The following FHOD3 variants were observed in gnomAD, a reference collection of about 807,000 sequenced individuals.
FHOD3 encodes the protein formin homology 2 domain containing 3, also known as FH1/FH2 domain-containing protein 3.
FHOD3 carries 90 observed loss-of-function variants against 173.0 expected under a neutral mutation model. That is an observed-to-expected ratio of 0.52 (90% confidence interval 0.44 to 0.62). The LOEUF (loss-of-function observed/expected upper bound fraction) is 0.62. Among genes scored for constraint, FHOD3 ranks in the 20% least tolerant of loss-of-function variants. FHOD3 has a pLI of 0.00. For synonymous variants in FHOD3, 828 were observed against 823.0 expected, an observed-to-expected ratio of 1.01 and a Z score of -0.10; for missense variants, 1,945 against 2,034.7, an observed-to-expected ratio of 0.96 and a Z score of 0.85.
chr18:36,538,502 G>T lies in FHOD3; in HGVS notation c.511+25959G>T, dbSNP rs149262881. Among the ~76,000 whole-genome samples, 1,420 of 152,312 alleles carry T rather than the reference G, an allele frequency of 9.3e-3. 23 individuals are homozygous for T. The highest frequency in any genetic ancestry group is 0.031 in the African/African-American group (1,283 of 41,560). Reference sequence around the variant, plus strand: ...GATAGGGTATATTCCTACAGATTCTGCAGTATCAAATGGTTAATGCAAGGA... The same window carrying T: ...GATAGGGTATATTCCTACAGATTCTTCAGTATCAAATGGTTAATGCAAGGA... On this transcript the variant is annotated intron_variant, in intron 5 of 28. Coordinates refer to ENST00000590592, the MANE Select transcript of FHOD3 (RefSeq NM_001281740.3).
chr18:36,349,574 A>G (rs568412753), intron 1 of FHOD3, among the ~76,000 whole-genome samples: 12 of 152,324 alleles, frequency 7.9e-5, no homozygotes, highest in African/African-American at 2.9e-4. Flanking sequence ...TTCTGTGCAA[A>G]TCTATTTCAG....
chr18:36,661,732 T>A (rs942634473), intron 14 of FHOD3, among the ~76,000 whole-genome samples: 2 of 152,198 alleles, frequency 1.3e-5, no homozygotes, highest in African/African-American at 4.8e-5. Context: ...CTTGGAATGA[T>A]AAATTGACAT....
intron 8 of FHOD3, among the ~76,000 whole-genome samples, chr18:36,606,733 G>A (rs2032117807): frequency 6.6e-6 from 1 of 152,152 alleles, no homozygotes; most frequent in African/African-American, 2.4e-5. Flanking sequence ...TTAGCTGTGA[G>A]TCTGAAATCA....
At chr18:36,439,342 C>G (rs1379249560) in intron 3 of FHOD3, among the ~76,000 whole-genome samples, 1 of 152,154 alleles carries the variant, frequency 6.6e-6, no homozygotes, top group Admixed American at 6.5e-5. Flanking sequence ...GCAGAGGACC[C>G]TCCAGGTATG....
intron 3 of FHOD3, among the ~76,000 whole-genome samples, chr18:36,386,077 T>C (rs2048019450): frequency 6.6e-6 from 1 of 152,254 alleles, no homozygotes; most frequent in South Asian, 2.1e-4. Context: ...AATGTCCAAA[T>C]TAATAAGCTA....
chr18:36,748,382 AACACACACACACACACAC>A (rs532609709), intron 24 of FHOD3, among the ~76,000 whole-genome samples: 13 of 143,572 alleles, frequency 9.1e-5, no homozygotes, highest in East Asian at 4.1e-4. Context: ...ACACACACAC[AACACACACACACACACAC>A]ACACACACAC....
chr18:36,751,841 G>A (rs945499910), intron 24 of FHOD3, among the ~76,000 whole-genome samples: 1 of 152,128 alleles, frequency 6.6e-6, no homozygotes, highest in Non-Finnish European at 1.5e-5. Flanking sequence ...AGATTCATTA[G>A]GCTACAGTTG....
intron 3 of FHOD3, among the ~76,000 whole-genome samples, chr18:36,378,622 T>C (rs2047575196): frequency 6.9e-6 from 1 of 145,320 alleles, no homozygotes; most frequent in Admixed American, 6.9e-5. Flanking sequence ...AAAAGAGAGA[T>C]GGGAAGGATG....
intron 3 of FHOD3, among the ~76,000 whole-genome samples, chr18:36,495,977 G>A (rs1290709847): frequency 6.6e-6 from 1 of 152,226 alleles, no homozygotes; most frequent in Non-Finnish European, 1.5e-5. Flanking sequence ...ATCCAAGAGT[G>A]ATGTAAAGAA....
At chr18:36,399,184 G>A (rs1202239952) in intron 3 of FHOD3, among the ~76,000 whole-genome samples, 1 of 152,172 alleles carries the variant, frequency 6.6e-6, no homozygotes, top group East Asian at 1.9e-4. Flanking sequence ...GGCACTGGAA[G>A]GTGTAGCTCA....
chr18:36,769,797 G>GC (rs1567968034), intron 28 of FHOD3, among the ~76,000 whole-genome samples: 1 of 152,102 alleles, frequency 6.6e-6, no homozygotes. Flanking sequence ...CTGTGTTTCT[G>GC]CCCTGCACCC....
intron 5 of FHOD3, among the ~76,000 whole-genome samples, chr18:36,539,744 T>G (rs926640414): frequency 3.3e-5 from 5 of 152,234 alleles, no homozygotes; most frequent in Non-Finnish European, 7.3e-5. Context: ...TGAGACTATT[T>G]TTGAACCCAT....
chr18:36,652,133 G>GC (rs1568552608), intron 11 of FHOD3, among the ~76,000 whole-genome samples: 1 of 152,238 alleles, frequency 6.6e-6, no homozygotes. Flanking sequence ...CTTCCTCAAG[G>GC]TTGGGCTTTT....
rs2049409228 is a variant in FHOD3 at position 36,412,543 on chromosome 18, T to C, written c.337+39799T>C. On this transcript the variant is annotated intron_variant, in intron 3 of 28. Coordinates refer to ENST00000590592, the MANE Select transcript of FHOD3 (RefSeq NM_001281740.3). Reference sequence around the variant, plus strand: ...GCTATCCATGTGTCTTGGAAAGATATTATGCGATTTTCCCCATGTAAAAGT... The same window carrying C: ...GCTATCCATGTGTCTTGGAAAGATACTATGCGATTTTCCCCATGTAAAAGT... Among the ~76,000 whole-genome samples the C allele has an allele frequency of 3.3e-5, 5 of 152,204 alleles. 1 individual carries two copies. In the South Asian group the frequency reaches 1.0e-3, roughly 32 times the overall value.
At chr18:36,777,198 CTTTTTTTTTT>C (rs11294880) in intron 28 of FHOD3, among the ~76,000 whole-genome samples, 1 of 108,888 alleles carries the variant, frequency 9.2e-6, no homozygotes, top group Non-Finnish European at 1.8e-5. Context: ...TCTTCTTTTT[CTTTTTTTTTT>C]TTTTTTTTTT....
chr18:36,378,195 C>T (rs1224931350), intron 3 of FHOD3, among the ~76,000 whole-genome samples: 2 of 152,148 alleles, frequency 1.3e-5, no homozygotes, highest in Non-Finnish European at 2.9e-5. Flanking sequence ...GCAGCCTCAG[C>T]ATGAGATGGG....
At chr18:36,712,471 A>C (rs6507181) in intron 18 of FHOD3, among the ~76,000 whole-genome samples, 6,624 of 121,904 alleles carry the variant, frequency 0.054, 233 homozygotes, top group East Asian at 0.25. Context: ...GTAACAACAA[A>C]AAAAAAAAAT....
chr18:36,553,535 G>T (rs2057750030), intron 5 of FHOD3, among the ~76,000 whole-genome samples: 1 of 152,102 alleles, frequency 6.6e-6, no homozygotes, highest in Admixed American at 6.6e-5. Context: ...ACTTCTCCTG[G>T]TTTAGTCTTG....
Position 36,637,990 on chromosome 18 carries a change from A to G in FHOD3, c.1197-11326A>G, listed in dbSNP as rs150164978. 5.3e-3 allele frequency among the ~76,000 whole-genome samples: 804 copies of G among 152,300 alleles called. 10 individuals carry two copies. The highest frequency in any genetic ancestry group is 0.018 in the African/African-American group (765 of 41,550). ...TGCTATGTAAAAAGATTGTAGAATA[A>G]TATGTTTTTTTTAAAATCTAGATGT... is the stretch of plus-strand genomic sequence containing the variant. On this transcript the variant is annotated intron_variant, in intron 10 of 28. Coordinates refer to ENST00000590592, the MANE Select transcript of FHOD3 (RefSeq NM_001281740.3).
Sources: allele counts gnomAD v4.1 joint callset (sites outside exome capture counted in the v4.1 genomes callset), GRCh38; gene constraint gnomAD v4.1.1; transcripts MANE v1.5; gene names NCBI Gene and HGNC (gene_info 2026-07-23, HGNC 2026-07-21).